The following CUBN variants were observed in gnomAD, a reference collection of about 807,000 sequenced individuals.
CUBN encodes the protein 460 kDa receptor.
Under a neutral mutation model 405.3 loss-of-function variants are expected in CUBN, and 282 were observed. The observed-to-expected ratio is 0.70, with a 90% CI of 0.63 to 0.77. The LOEUF (loss-of-function observed/expected upper bound fraction) is 0.77. Ranked by LOEUF, CUBN falls within the 30% of genes least tolerant of loss-of-function variation. CUBN has a pLI of 0.00. For synonymous variants in CUBN, 1,684 were observed against 1,617.0 expected (o/e 1.04, Z -0.99); for missense variants, 4,514 against 4,475.2 (o/e 1.01, Z -0.25).
chr10:16,865,489 G>T (rs148265679), intron 59 of CUBN, among the ~76,000 whole-genome samples: 1 of 152,152 alleles, frequency 6.6e-6, no homozygotes, highest in African/African-American at 2.4e-5. Context: ...CTGGCTGGGA[G>T]CTTTGAGTCC....
chr10:16,840,045 A>C (rs1839294419), intron 62 of CUBN, among the ~76,000 whole-genome samples: 3 of 130,532 alleles, frequency 2.3e-5, no homozygotes, highest in Non-Finnish European at 3.1e-5. Flanking sequence ...GAAGGGGAAC[A>C]TCACACACCG....
chr10:16,889,024 T>TAA, intron 55 of CUBN, among the ~76,000 whole-genome samples: 1 of 152,344 alleles, frequency 6.6e-6, no homozygotes, highest in African/African-American at 2.4e-5. Flanking sequence ...CAATGGTTGC[T>TAA]TTTTAAAACT....
intron 51 of CUBN, among the ~76,000 whole-genome samples, chr10:16,901,801 C>T (rs895429666): frequency 1.1e-4 from 17 of 148,814 alleles, no homozygotes; most frequent in Admixed American, 2.0e-4. Flanking sequence ...TGTAGTGAAC[C>T]GAGGTCATGC....
In CUBN at chr10:16,824,813, C is replaced by G; in HGVS notation, c.*162G>C. ...GAGAATACAGGGGGGTGAGCCACCA[C>G]GCCTGGCCTACAAATATTGATTCTA... On this transcript the variant is annotated 3_prime_UTR_variant, in exon 67 of 67. Coordinates refer to ENST00000377833, the MANE Select transcript of CUBN (RefSeq NM_001081.4). The G allele has an allele frequency of 1.5e-6, 1 of 656,946 alleles. No homozygotes were observed. Among genetic ancestry groups the G allele is most frequent in the Non-Finnish European group, 2.8e-6 (1 of 359,128 alleles). 40.7% of individuals were successfully genotyped at this position (656,946 alleles called of 1,614,324 possible). A position where few individuals can be genotyped will look rare whatever the true frequency, so the allele number is the denominator to read the frequency against.
chr10:17,068,505 T>G, intron 20 of CUBN, 100 bp downstream of exon 20: 1 of 1,138,132 alleles, frequency 8.8e-7, no homozygotes. Context: ...ACTTTAAAAT[T>G]TTTCACAGTA....
chr10:17,020,797 ATTG>A (rs1270139577), intron 27 of CUBN, among the ~76,000 whole-genome samples: 2 of 152,176 alleles, frequency 1.3e-5, no homozygotes, highest in Non-Finnish European at 1.5e-5. Context: ...TTATAATTCT[ATTG>A]TTGTTTCATT....
In CUBN at chr10:16,890,397, T is replaced by G; in HGVS notation, c.8729A>C (p.Gln2910Pro). 1 of 1,613,782 alleles carries G rather than the reference T, an allele frequency of 6.2e-7. No homozygotes were observed. The highest frequency in any genetic ancestry group is 8.5e-7 in the Non-Finnish European group (1 of 1,179,980). Reference protein sequence around the residue: ...AVFQSQEAPAQGFSASFVSRC... With the variant: ...AVFQSQEAPAPGFSASFVSRC... ...GCTAACAAAGGACGCGGAGAAGCCC[T>G]GAGCTGGTGCCTCCTGAGACTGGAA... The change falls in exon 55 of 67, where the codon CAG becomes CCG. Residue 2910 changes from glutamine to proline, a missense_variant. By Grantham distance (76) the Gln-to-Pro change is moderately conservative. Coordinates refer to ENST00000377833, the MANE Select transcript of CUBN (RefSeq NM_001081.4).
chr10:17,129,381 C>A, intron 1 of CUBN, 131 bp from the exon 2 acceptor site: 1 of 1,108,564 alleles, frequency 9.0e-7, no homozygotes, highest in Non-Finnish European at 1.3e-6. Context: ...AACCCAACTG[C>A]CCCTGCTCAT....
At chr10:17,008,526 A>T (rs546963545) in intron 28 of CUBN, among the ~76,000 whole-genome samples, 6 of 149,706 alleles carry the variant, frequency 4.0e-5, no homozygotes, top group Non-Finnish European at 8.9e-5. Flanking sequence ...TTTCTCTTCG[A>T]CTCAGTTCCA....
Position 16,940,068 on chromosome 10 carries a change from C to CA in CUBN, c.5511dup (p.Gly1838TrpfsTer17), listed in dbSNP as rs1168074679. The CA allele has an allele frequency of 3.1e-6, 5 of 1,614,056 alleles. No individual in the cohort carries two copies. The highest frequency in any genetic ancestry group is 4.2e-6 in the Non-Finnish European group (5 of 1,179,946). On this transcript the variant is annotated frameshift_variant, in exon 37 of 67. Coordinates refer to ENST00000377833, the MANE Select transcript of CUBN (RefSeq NM_001081.4). LOFTEE classifies it high-confidence loss of function. ...GTGGCCTGGAAGCCCGTGCCGCTGC[C>CA]AGAACCATCTGAGATAAATCTGACC...
chr10:16,949,929 C>A, intron 34 of CUBN, 72 bp downstream of exon 34: 1 of 1,096,430 alleles, frequency 9.1e-7, no homozygotes, highest in Admixed American at 1.9e-5. Flanking sequence ...AGAATGGCAG[C>A]CTATAAATAT....
chr10:16,926,768 G>A (rs1343420873), intron 41 of CUBN, among the ~76,000 whole-genome samples: 6 of 151,424 alleles, frequency 4.0e-5, no homozygotes, highest in Non-Finnish European at 7.4e-5. Flanking sequence ...ATGGAAAAGG[G>A]TGGGAATAAA....
At chr10:17,046,440 A>G (rs563981449) in intron 23 of CUBN, among the ~76,000 whole-genome samples, 17 of 152,306 alleles carry the variant, frequency 1.1e-4, no homozygotes, top group African/African-American at 4.1e-4. Flanking sequence ...TTAACTATAT[A>G]AACATACTGC....
At chr10:16,924,948 T>C (rs1475596881) in intron 43 of CUBN, among the ~76,000 whole-genome samples, 4 of 152,278 alleles carry the variant, frequency 2.6e-5, no homozygotes, top group Non-Finnish European at 5.9e-5. Context: ...ATTCCAGGGA[T>C]CAAGAAGAAT....
chr10:16,848,292 T>G (rs1839579202), intron 60 of CUBN, among the ~76,000 whole-genome samples: 2 of 152,218 alleles, frequency 1.3e-5, no homozygotes, highest in Admixed American at 1.3e-4. Context: ...TATAAGAATT[T>G]AAAATTGTAA....
intron 64 of CUBN, among the ~76,000 whole-genome samples, chr10:16,834,182 T>C (rs1211030886): frequency 6.6e-6 from 1 of 152,002 alleles, no homozygotes; most frequent in Non-Finnish European, 1.5e-5. Flanking sequence ...ACACACTGGG[T>C]CCACATCACA....
intron 40 of CUBN, 148 bp downstream of exon 40, chr10:16,932,939 C>A (rs549503212): frequency 6.5e-6 from 5 of 764,544 alleles, no homozygotes; most frequent in Middle Eastern, 3.4e-4. Flanking sequence ...GAAGTTGTAG[C>A]CATTTCTGGT....
chr10:16,878,062 C>T (rs181709703), intron 56 of CUBN, among the ~76,000 whole-genome samples: 2 of 152,284 alleles, frequency 1.3e-5, no homozygotes, highest in East Asian at 1.9e-4. Context: ...CCTAGGCGGG[C>T]GGATCACCTG....
rs1399681413 is a variant in CUBN at position 16,824,337 on chromosome 10, G to C, written c.*638C>G. 1 of 153,206 alleles carries C rather than the reference G, an allele frequency of 6.5e-6. No individual in the cohort carries two copies. Among genetic ancestry groups the C allele is most frequent in the African/African-American group, 2.4e-5 (1 of 41,422 alleles). 9.5% of individuals were successfully genotyped at this position (153,206 alleles called of 1,614,324 possible). Reference sequence around the variant, plus strand: ...CAGCGTGCTGGGATTATGGGTATGAGCCACTGCCCCTGGCTATTATTATTA... The same window carrying C: ...CAGCGTGCTGGGATTATGGGTATGACCCACTGCCCCTGGCTATTATTATTA... On this transcript the variant is annotated 3_prime_UTR_variant, in exon 67 of 67. Coordinates refer to ENST00000377833, the MANE Select transcript of CUBN (RefSeq NM_001081.4).
Sources: gnomAD v4.1 joint callset for allele counts (sites outside exome capture counted in the v4.1 genomes callset) on GRCh38, gnomAD v4.1.1 for gene constraint, MANE v1.5 for transcripts, NCBI Gene and HGNC (gene_info 2026-07-23, HGNC 2026-07-21) for gene names.